Variants in ANK2 observed in about 807,000 individuals in gnomAD.
ANK2 encodes ankyrin-2.
In ANK2, 83 loss-of-function variants were observed where a neutral mutation model predicts 360.5. That is an observed-to-expected ratio of 0.23 (90% confidence interval 0.19 to 0.28). The LOEUF (loss-of-function observed/expected upper bound fraction) is 0.28, where lower values mean the gene tolerates loss of function less well. Ranked by LOEUF, ANK2 falls within the 10% of genes least tolerant of loss-of-function variation. ANK2 has a pLI of 1.00. For missense variants in ANK2, 4,201 were observed against 4,795.7 expected, an observed-to-expected ratio of 0.88 and a Z score of 3.66; for synonymous variants, 1,740 against 1,759.5, an observed-to-expected ratio of 0.99 and a Z score of 0.28.
chr4:112,790,761 A>T, the ANK2 span, among the ~76,000 whole-genome samples: 1 of 152,170 alleles, frequency 6.6e-6, no homozygotes, highest in Non-Finnish European at 1.5e-5. Context: ...TGCTGGGATT[A>T]CAGGCGTGAG....
At chr4:112,933,534 C>T (rs1046251535) in intron 2 of ANK2, among the ~76,000 whole-genome samples, 2 of 149,310 alleles carry the variant, frequency 1.3e-5, no homozygotes, top group Admixed American at 6.7e-5. Context: ...GAGTGTTGCT[C>T]TTGTTGCCCA....
intron 26 of ANK2, among the ~76,000 whole-genome samples, chr4:113,323,167 C>T (rs983443896): frequency 6.6e-6 from 1 of 152,018 alleles, no homozygotes; most frequent in Non-Finnish European, 1.5e-5. Flanking sequence ...AGGAAGACAG[C>T]AATCTCCAAA....
rs936376188 is a variant in ANK2 at position 113,003,344 on chromosome 4, A to G, written c.21+98830A>G. Among the ~76,000 whole-genome samples the G allele has an allele frequency of 3.9e-5, 6 of 152,262 alleles. No homozygotes were observed. In the South Asian group the frequency reaches 8.3e-4, roughly 21 times the overall value. ...ATAAGTTTTTCCTAAGTTAATCTAT[A>G]TATTTGACCTTACCTCCCTGAGATA... On this transcript the variant is annotated intron_variant, in intron 2 of 30. Transcript: ENST00000503271.
the ANK2 span, among the ~76,000 whole-genome samples, chr4:112,756,298 A>G: frequency 6.6e-6 from 1 of 151,906 alleles, no homozygotes; most frequent in East Asian, 1.9e-4. Context: ...TCTCAGGTTG[A>G]GCATTATAGG....
At chr4:113,193,026 A>G (rs2098695722) in intron 2 of ANK2, among the ~76,000 whole-genome samples, 1 of 152,046 alleles carries the variant, frequency 6.6e-6, no homozygotes, top group African/African-American at 2.4e-5. Flanking sequence ...GGACTCCGCT[A>G]TGGATGAAGT....
intron 1 of ANK2, among the ~76,000 whole-genome samples, chr4:113,072,460 A>G (rs1409801277): frequency 1.3e-5 from 2 of 152,204 alleles, no homozygotes; most frequent in African/African-American, 4.8e-5. Context: ...TACAAAGTTC[A>G]AATGCCAATC....
intron 1 of ANK2, among the ~76,000 whole-genome samples, chr4:113,126,959 C>A (rs1194369627): frequency 6.6e-6 from 1 of 152,040 alleles, no homozygotes; most frequent in Non-Finnish European, 1.5e-5. Flanking sequence ...TGAGGGCCTT[C>A]TGGGTTATGT....
intron 9 of ANK2, among the ~76,000 whole-genome samples, chr4:113,243,358 G>C (rs550289365): frequency 7.2e-5 from 11 of 152,212 alleles, no homozygotes; most frequent in African/African-American, 2.6e-4. Flanking sequence ...GCAAATCTGG[G>C]GGCTAGCAAA....
chr4:113,333,110 T>C lies in ANK2; in HGVS notation c.3281T>C (p.Leu1094Pro). 1 of 1,614,222 alleles carries C rather than the reference T, an allele frequency of 6.2e-7. No individual in the cohort carries two copies. The highest frequency in any genetic ancestry group is 2.2e-5 in the East Asian group (1 of 44,892). Residue 1094 changes from leucine to proline, a missense_variant, in exon 29 of 46, where the codon CTG (leucine) becomes CCG (proline). By Grantham distance (98) the Leu-to-Pro change is moderately conservative. Coordinates refer to ENST00000357077, the MANE Select transcript of ANK2 (RefSeq NM_001148.6). ...GCCCTTCGAGGAAAGGAAAGGGAAC[T>C]GGTGGTCCTGCGCAGTGAGAATGGG... ...FAALRGKERE[L>P]VVLRSENGDS...
chr4:113,158,920 T>A (rs2097403397), intron 1 of ANK2, among the ~76,000 whole-genome samples: 1 of 152,170 alleles, frequency 6.6e-6, no homozygotes. Context: ...CTTTAAGTGA[T>A]TTTTGAAGTT....
At chr4:112,849,864 G>T (rs1186677408) in intron 1 of ANK2, among the ~76,000 whole-genome samples, 1 of 152,174 alleles carries the variant, frequency 6.6e-6, no homozygotes, top group Non-Finnish European at 1.5e-5. Flanking sequence ...TCCAAAAGAG[G>T]TTAGCACTTG....
chr4:112,812,074 C>CAAAAAAAAAAAAAAAAAAA, the ANK2 span, among the ~76,000 whole-genome samples: 1 of 79,144 alleles, frequency 1.3e-5, no homozygotes, highest in Non-Finnish European at 2.4e-5. Flanking sequence ...GACTCCGTCT[C>CAAAAAAAAAAAAAAAAAAA]AAAAAAAAAA....
rs768351547 is a variant in ANK2 at position 113,359,264 on chromosome 4, G to A, written c.10646G>A (p.Arg3549His). ...WDESIETLIE[R>H]IPDENGHDHA... Reference sequence around the variant, plus strand: ...GAGTCTATTGAGACTCTGATTGAACGCATCCCTGATGAAAATGGCCATGAC... The same window carrying A: ...GAGTCTATTGAGACTCTGATTGAACACATCCCTGATGAAAATGGCCATGAC... Residue 3549 changes from arginine (R) to histidine (H), a missense_variant, in exon 38 of 46, where the codon CGC (arginine) becomes CAC (histidine). Around this residue, in one of 4 missense-constraint regions of ANK2, gnomAD observed 2,642 missense variants for 2,714.5 expected, o/e 0.97. Coordinates refer to ENST00000357077, the MANE Select transcript of ANK2 (RefSeq NM_001148.6). The A allele has an allele frequency of 2.0e-5, 32 of 1,613,774 alleles. No homozygotes were observed. Among genetic ancestry groups the A allele is most frequent in the East Asian group, 8.9e-5 (4 of 44,894 alleles).
rs373745257 is a variant in ANK2 at position 113,311,952 on chromosome 4, C to T, written c.2693+553C>T. On this transcript the variant is annotated intron_variant, in intron 24 of 45. Transcript: ENST00000357077. ...ATACAAGAAACAATCGGAGCAAAAT[C>T]TGAGGGAGCCCAGTGTTAATAGGCA... is the stretch of plus-strand genomic sequence containing the variant. Among the ~76,000 whole-genome samples, 62 of 152,232 alleles carry T rather than the reference C, an allele frequency of 4.1e-4. 1 individual carries two copies. The South Asian group carries it at 7.5e-3, about 18-fold the overall frequency.
intron 4 of ANK2, among the ~76,000 whole-genome samples, chr4:113,200,406 C>A (rs2098812693): frequency 6.6e-6 from 1 of 152,192 alleles, no homozygotes; most frequent in Non-Finnish European, 1.5e-5. Context: ...ACGTTTGTTA[C>A]ATGGGTATAT....
chr4:112,938,038 AT>A (rs2093903297), intron 2 of ANK2, among the ~76,000 whole-genome samples: 1 of 152,244 alleles, frequency 6.6e-6, no homozygotes, highest in South Asian at 2.1e-4. Flanking sequence ...AGTTAAAAAA[AT>A]AAGTTGAAAA....
chr4:113,337,946 A>C (rs1189265632), intron 31 of ANK2, among the ~76,000 whole-genome samples: 2 of 152,250 alleles, frequency 1.3e-5, no homozygotes, highest in East Asian at 1.9e-4. Flanking sequence ...TAGTGATTAA[A>C]TAAACACTCT....
At chr4:113,316,929 G>C (rs1359359733) in intron 24 of ANK2, among the ~76,000 whole-genome samples, 1 of 152,176 alleles carries the variant, frequency 6.6e-6, no homozygotes, top group Non-Finnish European at 1.5e-5. Context: ...TTGTCTTTGT[G>C]CTGGCAGGTG....
intron 1 of ANK2, among the ~76,000 whole-genome samples, chr4:113,155,308 T>A (rs1051229234): frequency 9.9e-5 from 15 of 152,158 alleles, no homozygotes; most frequent in African/African-American, 3.6e-4. Context: ...ACTAGGAAAT[T>A]GAGGCTTTTT....
Sources: allele counts gnomAD v4.1 joint callset (sites outside exome capture counted in the v4.1 genomes callset), GRCh38; gene constraint gnomAD v4.1.1; regional missense constraint gnomAD v4.1.1; transcripts MANE v1.5; gene names NCBI Gene and HGNC (gene_info 2026-07-23, HGNC 2026-07-21).